Variants in HRAS observed in about 807,000 individuals in gnomAD.
HRAS encodes GTPase HRas.
Under a neutral mutation model 19.8 loss-of-function variants are expected in HRAS, and 11 were observed. The observed-to-expected ratio is 0.55, with a 90% CI of 0.35 to 0.92. The LOEUF is 0.92. Among genes scored for constraint, HRAS ranks in the 40% least tolerant of loss-of-function variants. The probability of loss-of-function intolerance (pLI) is 0.01; values close to 1 mark genes in which losing one functional copy is unlikely to be tolerated. For synonymous variants in HRAS, 149 were observed against 105.5 expected, an observed-to-expected ratio of 1.41 and a Z score of -2.52; for missense variants, 204 against 255.9, an observed-to-expected ratio of 0.80 and a Z score of 1.38.
rs1354376349 is a variant in HRAS, at chr11:532,734, TGTA to T, written c.469_471del (p.Tyr157del). On this transcript the variant is annotated inframe_deletion, in exon 5 of 6. Coordinates refer to ENST00000311189, the MANE Select transcript of HRAS (RefSeq NM_005343.4). Reference sequence around the variant, plus strand: ...TGCTGCCGGATCTCACGCACCAACGTGTAGAAGGCATCCTCCACTCCCTGGGAA... The same window carrying T: ...TGCTGCCGGATCTCACGCACCAACGTGAAGGCATCCTCCACTCCCTGGGAA... 6.2e-7 allele frequency: 1 copy of T among 1,612,872 alleles called. No individual in the cohort carries two copies. Among genetic ancestry groups the T allele is most frequent in the Non-Finnish European group, 8.5e-7 (1 of 1,179,996 alleles).
intron 2 of HRAS, 24 bp from the exon 3 acceptor site, chr11:533,968 A>AC: frequency 1.9e-6 from 3 of 1,605,416 alleles, no homozygotes; most frequent in Non-Finnish European, 2.5e-6. Context: ...GGGCTCAGGG[A>AC]CCCCCTCAGG....
chr11:535,340 G>T (rs1851421355), intron 1 of HRAS, 76 bp downstream of exon 1: 1 of 142,492 alleles, frequency 7.0e-6, no homozygotes, highest in Non-Finnish European at 1.5e-5. Context: ...CCGCGCCCCC[G>T]GCCCGCGCCG....
At chr11:534,170 C>G in intron 2 of HRAS, 42 bp downstream of exon 2, 1 of 1,497,738 alleles carries the variant, frequency 6.7e-7, no homozygotes, top group South Asian at 1.1e-5. Context: ...CTGGGCTCGC[C>G]CGCAGCAGCT....
chr11:533,405 G>A (rs200394288), intron 4 of HRAS, 48 bp downstream of exon 4: 29 of 1,607,656 alleles, frequency 1.8e-5, no homozygotes, highest in East Asian at 8.9e-5. Context: ...TGGCTGGGGC[G>A]GGGCGGGGCG....
intron 2 of HRAS, 61 bp downstream of exon 2, chr11:534,151 G>A: frequency 7.3e-7 from 1 of 1,375,290 alleles, no homozygotes; most frequent in Non-Finnish European, 1.0e-6. Context: ...GCCCTATCCT[G>A]GCTGTGTCCT....
intron 1 of HRAS, chr11:534,591 GA>G: frequency 3.6e-6 from 2 of 563,180 alleles, no homozygotes; most frequent in South Asian, 2.1e-5. Context: ...CCAGTGATGG[GA>G]AAAGGGACCC....
At position 532,752 on chromosome 11, in the gene HRAS, C is replaced by A; in HGVS notation, c.454G>T (p.Val152Leu). 6.2e-7 allele frequency: 1 copy of A among 1,612,616 alleles called. No individual in the cohort carries two copies. The highest frequency in any genetic ancestry group is 8.5e-7 in the Non-Finnish European group (1 of 1,179,882). The change falls in exon 5 of 6, where the codon GTG becomes TTG. Residue 152 changes from valine to leucine, a missense_variant. Physicochemically the swap from Val to Leu is conservative, Grantham distance 32. Around this residue, in one of 4 missense-constraint regions of HRAS, gnomAD observed 142 missense variants for 141.1 expected, o/e 1.01. Coordinates refer to ENST00000311189, the MANE Select transcript of HRAS (RefSeq NM_005343.4). ...ACCAACGTGTAGAAGGCATCCTCCA[C>A]TCCCTGGGAAAGGAGGGATGGGATC... The part of the protein sequence containing the change: ...IETSAKTRQG[V>L]EDAFYTLVRE...
At position 534,244 on chromosome 11, in the gene HRAS, G is replaced by A. The variant is rs2133994418; in HGVS notation, c.79C>T (p.His27Tyr). 1.2e-6 allele frequency: 2 copies of A among 1,613,612 alleles called. No homozygotes were observed. The highest frequency in any genetic ancestry group is 1.7e-6 in the Non-Finnish European group (2 of 1,179,802). The change falls in exon 2 of 6, where the codon CAT becomes TAT. Residue 27 changes from histidine to tyrosine, a missense_variant. Coordinates refer to ENST00000311189, the MANE Select transcript of HRAS (RefSeq NM_005343.4). ...GTGGGGTCGTATTCGTCCACAAAAT[G>A]GTTCTGGATCAGCTGGATGGTCAGC... ...SALTIQLIQN[H>Y]FVDEYDPTIE... is the part of the protein sequence containing the mutation.
chr11:533,969 C>T (rs1851290534), intron 2 of HRAS, 25 bp from the exon 3 acceptor site: 5 of 1,606,260 alleles, frequency 3.1e-6, no homozygotes, highest in East Asian at 2.2e-5. Context: ...GGCTCAGGGA[C>T]CCCCTCAGGA....
At chr11:534,809 C>G (rs1342775467) in intron 1 of HRAS, among the ~76,000 whole-genome samples, 1 of 152,188 alleles carries the variant, frequency 6.6e-6, no homozygotes, top group East Asian at 1.9e-4. Context: ...GTGCCTCCGA[C>G]AAGTATTTGC....
chr11:534,767 G>C (rs1447862894), intron 1 of HRAS, among the ~76,000 whole-genome samples: 1 of 152,234 alleles, frequency 6.6e-6, no homozygotes, highest in Non-Finnish European at 1.5e-5. Context: ...GCCCGGGCAG[G>C]CTAGTGCCAG....
chr11:532,511 C>G lies in HRAS; in HGVS notation c.*17G>C. The G allele has an allele frequency of 7.5e-7, 1 of 1,339,932 alleles. No individual in the cohort carries two copies. Among genetic ancestry groups the G allele is most frequent in the Non-Finnish European group, 1.0e-6 (1 of 975,372 alleles). 83.0% of individuals were successfully genotyped at this position (1,339,932 alleles called of 1,614,324 possible). ...CTTCCTGCATCCGGCACCTCCATGT[C>G]CTGAGCTTGTGCTGGGCGGGGCACA... On this transcript the variant is annotated 3_prime_UTR_variant, in exon 6 of 6. Coordinates refer to ENST00000311189, the MANE Select transcript of HRAS (RefSeq NM_005343.4).
intron 1 of HRAS, 127 bp downstream of exon 1, chr11:535,278 GGCCCCACCCAC>G (rs1161570255): frequency 1.8e-5 from 2 of 111,050 alleles, no homozygotes; most frequent in African/African-American, 7.0e-5. Flanking sequence ...GGCCCCGCCC[GGCCCCACCCAC>G]CCGCCGCCGC....
At position 532,331 on chromosome 11, in the gene HRAS, G is replaced by A. The variant is rs373888057; in HGVS notation, c.*197C>T. ...GAGGGGAGCTAAGGGCTGGGGTTCC[G>A]GTGGCATTTGGGATGTTCAAGACAG... On this transcript the variant is annotated 3_prime_UTR_variant, in exon 6 of 6. Coordinates refer to ENST00000311189, the MANE Select transcript of HRAS (RefSeq NM_005343.4). 2.3e-4 allele frequency: 120 copies of A among 519,424 alleles called. No homozygotes were observed. Among genetic ancestry groups the A allele is most frequent in the African/African-American group, 1.1e-3 (59 of 52,798 alleles). 32.2% of individuals were successfully genotyped at this position (519,424 alleles called of 1,614,324 possible). A position where few individuals can be genotyped will look rare whatever the true frequency, so the allele number is the denominator to read the frequency against.
At chr11:534,170 C>A (rs1226960989) in intron 2 of HRAS, 42 bp downstream of exon 2, 1 of 1,497,620 alleles carries the variant, frequency 6.7e-7, no homozygotes, top group Non-Finnish European at 9.3e-7. Flanking sequence ...CTGGGCTCGC[C>A]CGCAGCAGCT....
At chr11:535,012 C>G (rs1024763340) in intron 1 of HRAS, among the ~76,000 whole-genome samples, 2 of 152,190 alleles carry the variant, frequency 1.3e-5, no homozygotes, top group African/African-American at 4.8e-5. Flanking sequence ...AGGGAAAAGG[C>G]ACTGGGGCTG....
intron 1 of HRAS, 107 bp from the exon 2 acceptor site, chr11:534,482 C>G: frequency 1.6e-6 from 1 of 631,838 alleles, no homozygotes; most frequent in Non-Finnish European, 2.8e-6. Context: ...GTCCCTGGGC[C>G]CCAACGCCAG....
chr11:533,080 A>C (rs1851204813), intron 4 of HRAS, among the ~76,000 whole-genome samples: 1 of 152,216 alleles, frequency 6.6e-6, no homozygotes, highest in African/African-American at 2.4e-5. Context: ...ACTAAGACTC[A>C]GAACCAACAG....
rs199656012 is a variant in HRAS, at chr11:533,606, C to A, written c.297G>T (p.Gln99His). The change falls in exon 4 of 6, where the codon CAG becomes CAT. Residue 99 changes from glutamine to histidine, a missense_variant. Gln to His is a conservative substitution (Grantham distance 24). Transcript: ENST00000311189. ...SFEDIHQYREQIKRVKDSDDV... is the reference protein window; with the variant it reads ...SFEDIHQYREHIKRVKDSDDV... The stretch of plus-strand genomic sequence containing the variant: ...CATCCGAGTCCTTCACCCGTTTGAT[C>A]TGCTCCCTGAGAGGTGGAAAGCGAG... 12 of 1,613,846 alleles carry A rather than the reference C, an allele frequency of 7.4e-6. No homozygotes were observed. The highest frequency in any genetic ancestry group is 1.7e-5 in the Admixed American group (1 of 60,030).
Sources: gnomAD v4.1 joint callset for allele counts (sites outside exome capture counted in the v4.1 genomes callset) on GRCh38, gnomAD v4.1.1 for gene constraint, gnomAD v4.1.1 regional missense constraint, MANE v1.5 for transcripts, NCBI Gene and HGNC (gene_info 2026-07-23, HGNC 2026-07-21) for gene names.